Variants in NCAN observed in about 807,000 individuals in gnomAD.
The protein encoded by NCAN is neurocan core protein.
Under a neutral mutation model 121.8 loss-of-function variants are expected in NCAN, and 47 were observed. That is an observed-to-expected ratio of 0.39 (90% CI 0.31 to 0.49). NCAN has a LOEUF of 0.49. Among genes scored for constraint, NCAN ranks in the 20% least tolerant of loss-of-function variants. NCAN has a pLI of 0.92. For synonymous variants in NCAN, 633 were observed against 702.0 expected (o/e 0.90, Z 1.55); for missense variants, 1,517 against 1,773.4 (o/e 0.86, Z 2.60).
chr19:19,233,842 G>A lies in NCAN; in HGVS notation c.3073G>A (p.Ala1025Thr). 1.2e-6 allele frequency: 2 copies of A among 1,614,122 alleles called. No homozygotes were observed. The highest frequency in any genetic ancestry group is 8.5e-7 in the Non-Finnish European group (1 of 1,179,952). ...TTGTCTTCATGGAGGGACATGTAAT[G>A]CCAATGGCACCATGTATGGCTGTAG... ...NPCLHGGTCNANGTMYGCSCD... is the reference protein window; with the variant it reads ...NPCLHGGTCNTNGTMYGCSCD... Residue 1025 changes from alanine (A) to threonine (T), a missense_variant, in exon 9 of 15, where the codon GCC becomes ACC. Coordinates refer to ENST00000252575, the MANE Select transcript of NCAN (RefSeq NM_004386.3).
At position 19,225,003 on chromosome 19, in the gene NCAN, C is replaced by T. The variant is rs1453108354; in HGVS notation, c.805C>T (p.Arg269Cys). 1 of 1,463,052 alleles carries T rather than the reference C, an allele frequency of 6.8e-7. No homozygotes were observed. Among genetic ancestry groups the T allele is most frequent in the Non-Finnish European group, 9.0e-7 (1 of 1,114,454 alleles). The allele number at this position is 1,463,052 out of a possible 1,614,324, so 90.6% of individuals were successfully genotyped here. A position where few individuals can be genotyped will look rare whatever the true frequency, so the allele number is the denominator to read the frequency against. Residue 269 changes from arginine (R) to cysteine (C), a missense_variant, in exon 6 of 15, where the codon CGC (arginine) becomes TGC (cysteine). Coordinates refer to ENST00000252575, the MANE Select transcript of NCAN (RefSeq NM_004386.3). The surrounding 1 kb of genome is among the most constrained non-coding windows in gnomAD (Gnocchi z 4.0). Reference sequence around the variant, plus strand: ...CGAGGTCTTCTACGTGGGCCCGGCCCGCCGCCTGACACTGGCCGGCGCGCG... The same window carrying T: ...CGAGGTCTTCTACGTGGGCCCGGCCTGCCGCCTGACACTGGCCGGCGCGCG... Reference protein sequence around the residue: ...GGEVFYVGPARRLTLAGARAQ... With the variant: ...GGEVFYVGPACRLTLAGARAQ...
Position 19,225,132 on chromosome 19 carries a change from G to A in NCAN, c.934G>A (p.Gly312Ser). ...DQCDPGWLADGSVRYPIQTPR... is the reference protein window; with the variant it reads ...DQCDPGWLADSSVRYPIQTPR... ...GTGCGACCCGGGCTGGCTGGCCGAC[G>A]GCAGCGTGCGCTACCCGATCCAGAC... Residue 312 changes from glycine to serine, a missense_variant, in exon 6 of 15, where the codon GGC (glycine) becomes AGC (serine). Transcript: ENST00000252575. This position sits in a 1 kb window ranked among gnomAD's most constrained non-coding sequence, Gnocchi z 4.0. The A allele has an allele frequency of 4.6e-6, 7 of 1,530,386 alleles. No individual in the cohort carries two copies. Among genetic ancestry groups the A allele is most frequent in the Non-Finnish European group, 6.1e-6 (7 of 1,147,712 alleles). 94.8% of individuals were successfully genotyped at this position (1,530,386 alleles called of 1,614,324 possible).
chr19:19,229,401 G>A (rs182815576), intron 8 of NCAN, among the ~76,000 whole-genome samples: 2 of 152,306 alleles, frequency 1.3e-5, no homozygotes, highest in African/African-American at 4.8e-5. Context: ...AGACCAGAGG[G>A]AGGAGGCATG....
intron 10 of NCAN, 61 bp from the exon 11 acceptor site, chr19:19,238,192 C>T: frequency 6.2e-7 from 1 of 1,606,756 alleles, no homozygotes; most frequent in Non-Finnish European, 8.5e-7. Context: ...TGGCTGTGCT[C>T]ATGGCTGGTA....
rs753136911 is a variant in NCAN, at chr19:19,225,637, T to G, written c.1072+367T>G. ...CGCAGAAACACCCCCGTGGAAGAGA[T>G]AATGCCTCAATTGGCCACCTCTGGG... On this transcript the variant is annotated intron_variant, in intron 6 of 14. Coordinates refer to ENST00000252575, the MANE Select transcript of NCAN (RefSeq NM_004386.3). This position sits in a 1 kb window ranked among gnomAD's most constrained non-coding sequence, Gnocchi z 4.0. 7.2e-5 allele frequency among the ~76,000 whole-genome samples: 11 copies of G among 152,180 alleles called. No individual in the cohort carries two copies. The highest frequency in any genetic ancestry group is 1.5e-4 in the Non-Finnish European group (10 of 68,008).
intron 8 of NCAN, among the ~76,000 whole-genome samples, chr19:19,233,332 T>C (rs1411480632): frequency 9.5e-6 from 1 of 105,122 alleles, no homozygotes; most frequent in African/African-American, 4.4e-5. Flanking sequence ...TGGAGCAGGA[T>C]GAGGATTTTT....
intron 8 of NCAN, among the ~76,000 whole-genome samples, chr19:19,231,585 C>A (rs1301571881): frequency 6.6e-6 from 1 of 152,064 alleles, no homozygotes; most frequent in Admixed American, 6.6e-5. Context: ...GCCTCAGCCT[C>A]CCGAAGTGCT....
chr19:19,230,269 T>C (rs1336911426), intron 8 of NCAN, among the ~76,000 whole-genome samples: 1 of 152,044 alleles, frequency 6.6e-6, no homozygotes, highest in Admixed American at 6.6e-5. Flanking sequence ...GGTCCCGAAC[T>C]CCTGACCTCA....
In NCAN at chr19:19,226,466, T is replaced by A. The variant is rs779791413; in HGVS notation, c.1073-20T>A. ...GGCAACCCCTGGGCCTAACACAACC[T>A]CTTCTGCTTTCTCCCACAGCTCATC... On this transcript the variant is annotated intron_variant, in intron 6 of 14. Transcript: ENST00000252575. 2.0e-6 allele frequency: 3 copies of A among 1,536,742 alleles called. No individual in the cohort carries two copies. The highest frequency in any genetic ancestry group is 2.8e-5 in the African/African-American group (2 of 72,114).
rs370283222 is a variant in NCAN, at chr19:19,249,787, G to A, written c.3842G>A (p.Arg1281Gln). The A allele has an allele frequency of 1.1e-5, 17 of 1,607,326 alleles. No homozygotes were observed. Among genetic ancestry groups the A allele is most frequent in the African/African-American group, 1.3e-5 (1 of 74,402 alleles). Reference protein sequence around the residue: ...CTKPRRSHRMRRHHHHHQHHH... With the variant: ...CTKPRRSHRMQRHHHHHQHHH... ...GCAGCCAGACGTTCACATCGGATGC[G>A]GCGACACCACCACCACCACCAACAC... The change falls in exon 15 of 15, where the codon CGG becomes CAG. Residue 1281 changes from arginine to glutamine, a missense_variant. Physicochemically the swap from Arg to Gln is conservative, Grantham distance 43. Transcript: ENST00000252575.
chr19:19,236,302 T>C (rs1294345491), intron 10 of NCAN, among the ~76,000 whole-genome samples: 2 of 152,236 alleles, frequency 1.3e-5, no homozygotes, highest in African/African-American at 4.8e-5. Context: ...CTTCTTTCAC[T>C]TGGCATGTTT....
chr19:19,229,196 G>GA (rs1473963889), intron 8 of NCAN, among the ~76,000 whole-genome samples: 2 of 152,174 alleles, frequency 1.3e-5, no homozygotes, highest in Non-Finnish European at 2.9e-5. Context: ...GTGACAGAGT[G>GA]AGACTCTGTC....
intron 1 of NCAN, among the ~76,000 whole-genome samples, chr19:19,214,205 T>TAC (rs909293642): frequency 1.3e-4 from 19 of 150,520 alleles, no homozygotes; most frequent in Non-Finnish European, 2.7e-4. Flanking sequence ...CACACACACT[T>TAC]ACACACACAC....
Position 19,227,470 on chromosome 19 carries a change from C to A in NCAN, c.1850C>A (p.Ala617Asp). 2.5e-6 allele frequency: 4 copies of A among 1,613,550 alleles called. No individual in the cohort carries two copies. The highest frequency in any genetic ancestry group is 3.4e-6 in the Non-Finnish European group (4 of 1,179,822). Residue 617 changes from alanine to aspartate, a missense_variant, in exon 8 of 15, where the codon GCC (alanine) becomes GAC (aspartate). Transcript: ENST00000252575. This position sits in a 1 kb window ranked among gnomAD's most constrained non-coding sequence, Gnocchi z 4.2. Reference protein sequence around the residue: ...LEATVSAPSPAPWEAFPVATS... With the variant: ...LEATVSAPSPDPWEAFPVATS... ...GCCACTGTCTCAGCTCCCAGCCCTGCCCCCTGGGAGGCATTCCCTGTGGCC... is the reference window on the plus strand; with the variant it reads ...GCCACTGTCTCAGCTCCCAGCCCTGACCCCTGGGAGGCATTCCCTGTGGCC...
chr19:19,220,915 A>C (rs1191690682), intron 3 of NCAN, among the ~76,000 whole-genome samples: 1 of 152,006 alleles, frequency 6.6e-6, no homozygotes, highest in African/African-American at 2.4e-5. Flanking sequence ...TTAGAAAAAC[A>C]AAAACAAACA....
At chr19:19,238,509 A>G in intron 11 of NCAN, 98 bp downstream of exon 11, 2 of 1,439,024 alleles carry the variant, frequency 1.4e-6, no homozygotes, top group Non-Finnish European at 1.9e-6. Flanking sequence ...CCTGGTTTTC[A>G]AGACGTCATC....
rs780870042 is a variant in NCAN, at chr19:19,226,742, T to G, written c.1329T>G (p.Thr443=). Residue 443 remains threonine (T), a synonymous_variant, in exon 7 of 15, where the codon ACT becomes ACG. Coordinates refer to ENST00000252575, the MANE Select transcript of NCAN (RefSeq NM_004386.3). The part of the protein sequence containing the change: ...PGDPMLASWP[T]GEVWLSTVAP... The stretch of plus-strand genomic sequence containing the variant: ...ACCCCATGCTGGCCTCATGGCCCAC[T>G]GGGGAAGTGTGGCTAAGCACGGTGG... The G allele has an allele frequency of 9.3e-6, 15 of 1,613,056 alleles. No individual in the cohort carries two copies. The highest frequency in any genetic ancestry group is 1.3e-5 in the Non-Finnish European group (15 of 1,179,690).
At position 19,227,875 on chromosome 19, in the gene NCAN, G is replaced by A. The variant is rs368061805; in HGVS notation, c.2255G>A (p.Gly752Asp). The stretch of plus-strand genomic sequence containing the variant: ...GCCACTGAGCCAACGGGCCTCAGGG[G>A]TATCCCGGGGTCTGAGTCTGGGGTC... ...ETATEPTGLR[G>D]IPGSESGVFD... Residue 752 changes from glycine (G) to aspartate (D), a missense_variant, in exon 8 of 15, where the codon GGT (glycine) becomes GAT (aspartate). Physicochemically the swap from Gly to Asp is moderately conservative, Grantham distance 94. Coordinates refer to ENST00000252575, the MANE Select transcript of NCAN (RefSeq NM_004386.3). The surrounding 1 kb of genome is among the most constrained non-coding windows in gnomAD (Gnocchi z 4.2). 1.9e-6 allele frequency: 3 copies of A among 1,613,702 alleles called. No individual in the cohort carries two copies. The highest frequency in any genetic ancestry group is 2.5e-6 in the Non-Finnish European group (3 of 1,180,000).
At position 19,223,938 on chromosome 19, in the gene NCAN, G is replaced by A. The variant is rs568997007; in HGVS notation, c.476-83G>A. 11 of 1,367,284 alleles carry A rather than the reference G, an allele frequency of 8.0e-6. No individual in the cohort carries two copies. In the East Asian group the frequency reaches 2.4e-4, roughly 30 times the overall value. 84.7% of individuals were successfully genotyped at this position (1,367,284 alleles called of 1,614,324 possible). A position where few individuals can be genotyped will look rare whatever the true frequency, so the allele number is the denominator to read the frequency against. On this transcript the variant is annotated intron_variant, in intron 3 of 14. Transcript: ENST00000252575. ...TCTATTATTATCAGACAGGGGTGGG[G>A]AGTCATTCTGCAAGAGGTAGGTCTG...
Sources: allele counts gnomAD v4.1 joint callset (sites outside exome capture counted in the v4.1 genomes callset), GRCh38; gene constraint gnomAD v4.1.1; non-coding constraint Gnocchi (gnomAD v3.1); transcripts MANE v1.5; gene names NCBI Gene and HGNC (gene_info 2026-07-23, HGNC 2026-07-21).